Variants in NCMAP observed in about 807,000 individuals in gnomAD.
NCMAP encodes non-compact myelin associated protein, also known as noncompact myelin-associated protein.
In NCMAP, 8 loss-of-function variants were observed where a neutral mutation model predicts 7.8. That is an observed-to-expected ratio of 1.02 (90% CI 0.60 to 1.84). NCMAP has a LOEUF of 1.84. Ranked by LOEUF, NCMAP falls within the 40% of genes most tolerant of loss-of-function variation. NCMAP has a pLI of 0.00. For synonymous variants in NCMAP, 41 were observed against 52.9 expected, an observed-to-expected ratio of 0.78 and a Z score of 0.98; for missense variants, 112 against 131.4, an observed-to-expected ratio of 0.85 and a Z score of 0.72.
At chr1:24,590,149 G>A (rs900430338) in intron 1 of NCMAP, among the ~76,000 whole-genome samples, 19 of 152,222 alleles carry the variant, frequency 1.2e-4, no homozygotes, top group African/African-American at 4.1e-4. Context: ...TTGAGAGAAG[G>A]GGAAAGGAAA....
intron 1 of NCMAP, among the ~76,000 whole-genome samples, chr1:24,593,743 A>T (rs1234885060): frequency 6.6e-6 from 1 of 152,142 alleles, no homozygotes; most frequent in Non-Finnish European, 1.5e-5. Flanking sequence ...CTCTCAATGT[A>T]GACCCTTCGT....
rs55898038 is a variant in NCMAP at position 24,576,983 on chromosome 1, A to C, written c.-7-18441A>C. ...TCTCTACTAAAAGCACACACACACA[A>C]AAAAATTAGCTGGGCGTGGTGGTGC... On this transcript the variant is annotated intron_variant, in intron 1 of 3. Coordinates refer to ENST00000374392, the MANE Select transcript of NCMAP (RefSeq NM_001010980.5). The surrounding 1 kb of genome is among the most constrained non-coding windows in gnomAD (Gnocchi z 4.0). Among the ~76,000 whole-genome samples, 36,133 of 151,612 alleles carry C rather than the reference A, an allele frequency of 0.24. 5,488 individuals carry two copies. Among genetic ancestry groups the C allele is most frequent in the African/African-American group, 0.44 (18,197 of 41,290 alleles).
At chr1:24,604,075 T>C (rs759055069) in intron 3 of NCMAP, among the ~76,000 whole-genome samples, 9 of 152,174 alleles carry the variant, frequency 5.9e-5, no homozygotes, top group Non-Finnish European at 1.2e-4. Context: ...AAGAAGTCCT[T>C]TTATAATTGG....
intron 1 of NCMAP, among the ~76,000 whole-genome samples, chr1:24,591,389 T>TC (rs1261060751): frequency 6.6e-6 from 1 of 152,184 alleles, no homozygotes; most frequent in Non-Finnish European, 1.5e-5. Context: ...TGCCTCAGCC[T>TC]CCCAAGTAGC....
intron 1 of NCMAP, chr1:24,563,854 G>C (rs1301765573): frequency 6.6e-6 from 1 of 152,226 alleles, no homozygotes; most frequent in Non-Finnish European, 1.5e-5. Context: ...ATTTGCCCCA[G>C]CAGGGCTCTT....
At chr1:24,578,560 C>CTTTCTTTTTTTTTTTTTTTT (rs1651657143) in intron 1 of NCMAP, among the ~76,000 whole-genome samples, 1 of 107,378 alleles carries the variant, frequency 9.3e-6, no homozygotes, top group African/African-American at 4.3e-5. Flanking sequence ...TTCTTTCTTT[C>CTTTCTTTTTTTTTTTTTTTT]TTTTTTTTTT....
intron 1 of NCMAP, among the ~76,000 whole-genome samples, chr1:24,577,420 T>TG (rs1553155955): frequency 2.8e-5 from 4 of 143,750 alleles, no homozygotes; most frequent in African/African-American, 7.6e-5. Context: ...TTTTTTTTTT[T>TG]TTTTTTTTTT....
At chr1:24,569,876 G>A (rs1377280191) in intron 1 of NCMAP, among the ~76,000 whole-genome samples, 7 of 150,562 alleles carry the variant, frequency 4.6e-5, no homozygotes, top group Admixed American at 1.3e-4. Flanking sequence ...CAGATTCTTT[G>A]GGGTCACGTC....
chr1:24,589,811 G>C (rs1651994421), intron 1 of NCMAP, among the ~76,000 whole-genome samples: 1 of 152,136 alleles, frequency 6.6e-6, no homozygotes, highest in Non-Finnish European at 1.5e-5. Flanking sequence ...TGGATAGTTA[G>C]CTTTATGTTT....
At chr1:24,569,531 T>C (rs1357767896) in intron 1 of NCMAP, among the ~76,000 whole-genome samples, 1 of 150,562 alleles carries the variant, frequency 6.6e-6, no homozygotes, top group Non-Finnish European at 1.5e-5. Flanking sequence ...ACAATGTTCA[T>C]TGATTGAGCG....
At chr1:24,586,580 G>A (rs911227983) in intron 1 of NCMAP, among the ~76,000 whole-genome samples, 12 of 152,164 alleles carry the variant, frequency 7.9e-5, no homozygotes, top group African/African-American at 2.7e-4. Context: ...GGCCAAGATG[G>A]TGAAACCCAG....
chr1:24,568,200 A>G (rs1236209099), intron 1 of NCMAP, among the ~76,000 whole-genome samples: 1 of 152,096 alleles, frequency 6.6e-6, no homozygotes, highest in Admixed American at 6.5e-5. Flanking sequence ...GAGCACAGAA[A>G]TATTTATTTA....
At chr1:24,604,567 AC>A (rs1229484694) in intron 3 of NCMAP, among the ~76,000 whole-genome samples, 2 of 80,856 alleles carry the variant, frequency 2.5e-5, no homozygotes, top group Non-Finnish European at 2.1e-5. Context: ...CCAGGGTAAG[AC>A]TGTCTAAAAA....
intron 1 of NCMAP, among the ~76,000 whole-genome samples, chr1:24,586,778 G>GCACCTTCA (rs1651894940): frequency 7.4e-6 from 1 of 134,624 alleles, no homozygotes; most frequent in African/African-American, 2.7e-5. Flanking sequence ...AAAAAAAAAA[G>GCACCTTCA]CACCTTCACT....
At position 24,605,799 on chromosome 1, in the gene NCMAP, A is replaced by G. The variant is rs1388436047; in HGVS notation, c.*52A>G. 6.3e-7 allele frequency: 1 copy of G among 1,599,620 alleles called. No homozygotes were observed. Among genetic ancestry groups the G allele is most frequent in the African/African-American group, 1.3e-5 (1 of 74,402 alleles). On this transcript the variant is annotated 3_prime_UTR_variant, in exon 4 of 4. Transcript: ENST00000374392. The stretch of plus-strand genomic sequence containing the variant: ...CTGTCCAAAGAGCCTCTCCAGAGTC[A>G]AGACCCAGAGGCACACTCTCTGGCA...
chr1:24,560,407 A>T (rs1651017661), intron 1 of NCMAP, among the ~76,000 whole-genome samples: 1 of 152,178 alleles, frequency 6.6e-6, no homozygotes, highest in South Asian at 2.1e-4. Context: ...CCTGGAACAC[A>T]GTGGCCTTGC....
At position 24,576,150 on chromosome 1, in the gene NCMAP, C is replaced by T. The variant is rs957534740; in HGVS notation, c.-7-19274C>T. ...GCACAGATGGCTCCCCTGCCTGTCC[C>T]CCGACCTGCCTTTCTTGGTCCAGTT... On this transcript the variant is annotated intron_variant, in intron 1 of 3. Coordinates refer to ENST00000374392, the MANE Select transcript of NCMAP (RefSeq NM_001010980.5). The surrounding 1 kb of genome is among the most constrained non-coding windows in gnomAD (Gnocchi z 4.0). Among the ~76,000 whole-genome samples the T allele has an allele frequency of 6.6e-6, 1 of 152,094 alleles. No individual in the cohort carries two copies. The highest frequency in any genetic ancestry group is 2.4e-5 in the African/African-American group (1 of 41,414).
Position 24,569,238 on chromosome 1 carries a change from C to G in NCMAP, c.-8+13069C>G, listed in dbSNP as rs530351189. On this transcript the variant is annotated intron_variant, in intron 1 of 3. Transcript: ENST00000374392. ...CAAACTTCTGACCTCAGGTGACCCA[C>G]CTGCCTCAGCCTCCCAAAGTGCTGG... is the stretch of plus-strand genomic sequence containing the variant. Among the ~76,000 whole-genome samples the G allele has an allele frequency of 1.7e-4, 26 of 152,208 alleles. No individual in the cohort carries two copies. The East Asian group carries it at 1.9e-3, about 11-fold the overall frequency.
chr1:24,581,503 G>T (rs929822305), intron 1 of NCMAP, among the ~76,000 whole-genome samples: 1 of 152,250 alleles, frequency 6.6e-6, no homozygotes, highest in African/African-American at 2.4e-5. Context: ...TTACCTGTAA[G>T]TTCCCTGCAG....
Sources: gnomAD v4.1 joint callset for allele counts (sites outside exome capture counted in the v4.1 genomes callset) on GRCh38, gnomAD v4.1.1 for gene constraint, Gnocchi (gnomAD v3.1) non-coding constraint, MANE v1.5 for transcripts, NCBI Gene and HGNC (gene_info 2026-07-23, HGNC 2026-07-21) for gene names.